DLGAP2: variants seen among roughly 807,000 people sequenced by gnomAD.
DLGAP2 encodes DLG associated protein 2.
In DLGAP2, 26 loss-of-function variants were observed where a neutral mutation model predicts 100.3. The observed-to-expected ratio is 0.26, with a 90% confidence interval of 0.19 to 0.36. The LOEUF is 0.36. DLGAP2 is among the 10% of genes least tolerant of loss of function. The probability of loss-of-function intolerance (pLI) is 1.00; values close to 1 mark genes in which losing one functional copy is unlikely to be tolerated. For synonymous variants in DLGAP2, 886 were observed against 630.1 expected (o/e 1.41, Z -6.08); for missense variants, 1,858 against 1,453.2 (o/e 1.28, Z -4.53).
chr8:1,173,816 C>A (rs1797187004), intron 2 of DLGAP2, among the ~76,000 whole-genome samples: 1 of 152,252 alleles, frequency 6.6e-6, no homozygotes, highest in Admixed American at 6.5e-5. Flanking sequence ...AGGGAACTCT[C>A]TGACCCATTG....
intron 2 of DLGAP2, among the ~76,000 whole-genome samples, chr8:1,013,135 T>A (rs1162043493): frequency 1.3e-5 from 2 of 152,206 alleles, no homozygotes; most frequent in African/African-American, 2.4e-5. Context: ...TTCCAGTTTT[T>A]GATCTAGTTA....
intron 2 of DLGAP2, among the ~76,000 whole-genome samples, chr8:1,073,132 G>A (rs551455092): frequency 6.8e-4 from 103 of 152,146 alleles, no homozygotes; most frequent in African/African-American, 2.3e-3. Context: ...GTTGAGGCAC[G>A]ATCTGGCTTC....
rs184326972 is a variant in DLGAP2, at chr8:825,789, A to G, written c.19-82123A>G. ...CAGGCATGCACTTCAAAATAATCAC[A>G]TCAGGATGAAAAAGGTATCTGTCAC... On this transcript the variant is annotated intron_variant, in intron 1 of 14. Coordinates refer to ENST00000637795, the MANE Select transcript of DLGAP2 (RefSeq NM_001346810.2). Among the ~76,000 whole-genome samples the G allele has an allele frequency of 2.0e-5, 3 of 152,346 alleles. No individual in the cohort carries two copies. In the East Asian group the frequency reaches 5.8e-4, roughly 29 times the overall value.
chr8:808,763 A>C (rs1320878914), intron 1 of DLGAP2, among the ~76,000 whole-genome samples: 1 of 152,160 alleles, frequency 6.6e-6, no homozygotes, highest in Non-Finnish European at 1.5e-5. Context: ...GGAGGCACCC[A>C]CCCTAGGTTT....
At chr8:1,313,005 G>A (rs1179589001) in intron 3 of DLGAP2, among the ~76,000 whole-genome samples, 2 of 152,222 alleles carry the variant, frequency 1.3e-5, no homozygotes, top group Non-Finnish European at 2.9e-5. Context: ...AACCCCAGAT[G>A]TCCTGTGTTT....
intron 3 of DLGAP2, among the ~76,000 whole-genome samples, chr8:1,383,604 C>G (rs2129776336): frequency 6.6e-6 from 1 of 152,290 alleles, no homozygotes; most frequent in East Asian, 1.9e-4. Flanking sequence ...TCAAAGGCTG[C>G]TTGATTAACG....
At chr8:1,029,470 C>T (rs553748572) in intron 2 of DLGAP2, among the ~76,000 whole-genome samples, 2 of 152,136 alleles carry the variant, frequency 1.3e-5, no homozygotes, top group African/African-American at 4.8e-5. Flanking sequence ...CGGCATCCAG[C>T]AGTGCTGAGA....
intron 1 of DLGAP2, among the ~76,000 whole-genome samples, chr8:741,175 C>T (rs73673004): frequency 0.15 from 23,008 of 152,240 alleles, 2,059 homozygotes; most frequent in East Asian, 0.45. Context: ...CACGTGTGCT[C>T]ATGACAAAAG....
chr8:980,188 A>G (rs1800289076), intron 2 of DLGAP2, among the ~76,000 whole-genome samples: 1 of 152,220 alleles, frequency 6.6e-6, no homozygotes, highest in Non-Finnish European at 1.5e-5. Context: ...GATTCAGGCC[A>G]GACTTTGTGA....
intron 8 of DLGAP2, 57 bp from the exon 9 acceptor site, chr8:1,668,272 A>AC: frequency 7.0e-7 from 1 of 1,419,304 alleles, no homozygotes; most frequent in South Asian, 1.5e-5. Context: ...GAAACAGTAG[A>AC]CCACAGGCTG....
At chr8:787,545 A>G (rs1380787435) in intron 1 of DLGAP2, among the ~76,000 whole-genome samples, 2 of 152,200 alleles carry the variant, frequency 1.3e-5, no homozygotes. Flanking sequence ...GCACTGGCCC[A>G]TGCTGCTCTG....
chr8:1,298,978 G>T (rs1012638160), intron 3 of DLGAP2, among the ~76,000 whole-genome samples: 5 of 152,156 alleles, frequency 3.3e-5, no homozygotes, highest in Non-Finnish European at 7.4e-5. Flanking sequence ...AGTGGCTCGT[G>T]CTGAATGACC....
At chr8:900,249 T>C (rs1798224090) in intron 1 of DLGAP2, among the ~76,000 whole-genome samples, 1 of 145,806 alleles carries the variant, frequency 6.9e-6, no homozygotes, top group Non-Finnish European at 1.5e-5. Flanking sequence ...AGGGCATTGC[T>C]CCCAGGCGGA....
At chr8:1,700,942 G>A (rs1799547886) in intron 14 of DLGAP2, among the ~76,000 whole-genome samples, 1 of 152,228 alleles carries the variant, frequency 6.6e-6, no homozygotes, top group Non-Finnish European at 1.5e-5. Flanking sequence ...ATTTGTCCAC[G>A]CTGCCCCTGA....
At chr8:1,681,562 G>C (rs570863491) in intron 12 of DLGAP2, among the ~76,000 whole-genome samples, 1 of 152,258 alleles carries the variant, frequency 6.6e-6, no homozygotes, top group Non-Finnish European at 1.5e-5. Context: ...GGAGGCTAAG[G>C]TGGGAGGATT....
chr8:1,351,229 A>T (rs1437655212), intron 3 of DLGAP2, among the ~76,000 whole-genome samples: 1 of 71,594 alleles, frequency 1.4e-5, no homozygotes, highest in African/African-American at 6.0e-5. Context: ...TGTGTGTGGA[A>T]AGGCCGTGCG....
chr8:1,002,507 A>C (rs950702770), intron 2 of DLGAP2: 2 of 152,198 alleles, frequency 1.3e-5, no homozygotes, highest in African/African-American at 4.8e-5. Flanking sequence ...TGCTGTACAC[A>C]CAGCTCTGGG....
intron 3 of DLGAP2, among the ~76,000 whole-genome samples, chr8:1,432,876 G>A (rs149686056): frequency 3.3e-5 from 5 of 152,310 alleles, no homozygotes; most frequent in East Asian, 3.9e-4. Flanking sequence ...CAGACTGGCC[G>A]AGCTGGGGGC....
chr8:1,018,945 T>G (rs1336456013), intron 2 of DLGAP2: 1 of 152,084 alleles, frequency 6.6e-6, no homozygotes, highest in Admixed American at 6.5e-5. Flanking sequence ...CTTCACCATG[T>G]GGGTTTACAT....
Sources: gnomAD v4.1 joint callset for allele counts (sites outside exome capture counted in the v4.1 genomes callset) on GRCh38, gnomAD v4.1.1 for gene constraint, MANE v1.5 for transcripts, NCBI Gene and HGNC (gene_info 2026-07-23, HGNC 2026-07-21) for gene names.